Variants in TTLL1 observed in about 807,000 individuals in gnomAD.
TTLL1 encodes polyglutamylase complex subunit TTLL1.
Under a neutral mutation model 47.8 loss-of-function variants are expected in TTLL1, and 33 were observed. The observed-to-expected ratio is 0.69, with a 90% CI of 0.52 to 0.92. The LOEUF is 0.92. Ranked by LOEUF, TTLL1 falls within the 40% of genes least tolerant of loss-of-function variation. The pLI is 0.00. For missense variants in TTLL1, 488 were observed against 547.5 expected (o/e 0.89, Z 1.08); for synonymous variants, 225 against 214.1 (o/e 1.05, Z -0.45).
chr22:43,060,233 G>A (rs141802878), intron 7 of TTLL1, among the ~76,000 whole-genome samples: 257 of 152,298 alleles, frequency 1.7e-3, no homozygotes, highest in African/African-American at 5.7e-3. Flanking sequence ...CAAGACCAAG[G>A]CACTCATTCT....
intron 7 of TTLL1, among the ~76,000 whole-genome samples, chr22:43,063,010 A>G (rs1247752450): frequency 1.3e-5 from 2 of 152,188 alleles, no homozygotes; most frequent in African/African-American, 4.8e-5. Context: ...ACTCAAAGTA[A>G]AAAACCAAAC....
intron 7 of TTLL1, among the ~76,000 whole-genome samples, 159 bp from the exon 8 acceptor site, chr22:43,059,686 C>T (rs768507227): frequency 6.6e-5 from 10 of 152,040 alleles, no homozygotes; most frequent in Middle Eastern, 3.2e-3. Flanking sequence ...AGATCTGGGC[C>T]GGCTATTTTC....
chr22:43,083,625 G>A (rs550865409), intron 1 of TTLL1, among the ~76,000 whole-genome samples: 1 of 152,230 alleles, frequency 6.6e-6, no homozygotes, highest in Non-Finnish European at 1.5e-5. Flanking sequence ...CTACTCGGGA[G>A]GCTGAGGCAT....
chr22:43,088,047 C>T (rs2146999478), intron 1 of TTLL1, among the ~76,000 whole-genome samples: 1 of 151,444 alleles, frequency 6.6e-6, no homozygotes, highest in South Asian at 2.1e-4. Flanking sequence ...ACATGGGAGG[C>T]TGAGGCAGGA....
intron 2 of TTLL1, among the ~76,000 whole-genome samples, chr22:43,077,817 A>G (rs1928607336): frequency 6.6e-6 from 1 of 152,032 alleles, no homozygotes; most frequent in Non-Finnish European, 1.5e-5. Context: ...TACTTAAGAC[A>G]ATCTTCTGGC....
At chr22:43,067,214 G>A (rs1046454253) in intron 5 of TTLL1, among the ~76,000 whole-genome samples, 3 of 152,174 alleles carry the variant, frequency 2.0e-5, no homozygotes, top group Admixed American at 1.3e-4. Flanking sequence ...CCACTTGCTC[G>A]GCTGTGCCCA....
At chr22:43,054,412 C>T (rs952683558) in intron 8 of TTLL1, among the ~76,000 whole-genome samples, 1 of 151,806 alleles carries the variant, frequency 6.6e-6, no homozygotes, top group East Asian at 1.9e-4. Context: ...GGCACCAACC[C>T]GACATAATCT....
At chr22:43,051,224 G>A (rs995270661) in intron 9 of TTLL1, among the ~76,000 whole-genome samples, 3 of 152,260 alleles carry the variant, frequency 2.0e-5, no homozygotes, top group Non-Finnish European at 4.4e-5. Flanking sequence ...TGGGGCCTCT[G>A]AGAAGCGCGC....
intron 2 of TTLL1, among the ~76,000 whole-genome samples, chr22:43,077,428 T>C (rs5759142): frequency 0.34 from 51,602 of 152,058 alleles, 10,139 homozygotes; most frequent in East Asian, 0.65. Context: ...CAAGGTGCTG[T>C]ACCCCTCGGC....
chr22:43,045,327 A>G (rs530392311), intron 10 of TTLL1, among the ~76,000 whole-genome samples: 23 of 152,298 alleles, frequency 1.5e-4, no homozygotes, highest in African/African-American at 5.3e-4. Context: ...AAATGGAGCT[A>G]ATAGTCTTAC....
intron 9 of TTLL1, among the ~76,000 whole-genome samples, chr22:43,047,394 A>C (rs1926226119): frequency 1.3e-5 from 2 of 151,734 alleles, no homozygotes; most frequent in Admixed American, 6.6e-5. Context: ...AAGCTAAGCA[A>C]CGTCACAAGA....
intron 8 of TTLL1, among the ~76,000 whole-genome samples, chr22:43,057,042 T>G (rs1258308481): frequency 1.3e-5 from 2 of 152,022 alleles, no homozygotes; most frequent in East Asian, 3.9e-4. Context: ...GAGGCTGAGG[T>G]GGGTGGATCA....
chr22:43,068,427 C>A lies in TTLL1; in HGVS notation c.486G>T (p.Arg162=). Residue 162 remains arginine, a synonymous_variant, in exon 5 of 11, where the codon CGG becomes CGT. Transcript: ENST00000266254. ...NKLSQIKKWS[R]DSKTSSFVSQ... ...ACACTTACGAAGATGTCTTGCTGTCCCGGGACCACTTTTTGATCTGTGAGA... is the reference window on the plus strand; with the variant it reads ...ACACTTACGAAGATGTCTTGCTGTCACGGGACCACTTTTTGATCTGTGAGA... The A allele has an allele frequency of 2.0e-6, 3 of 1,536,270 alleles. No individual in the cohort carries two copies. Among genetic ancestry groups the A allele is most frequent in the Non-Finnish European group, 2.7e-6 (3 of 1,125,982 alleles).
Position 43,046,445 on chromosome 22 carries a change from C to T in TTLL1, c.1107G>A (p.Ser369=), listed in dbSNP as rs527949683. The change falls in exon 10 of 11, where the codon TCG becomes TCA. Residue 369 remains serine, a synonymous_variant. Transcript: ENST00000266254. The part of the protein sequence containing the change: ...GEIPDCKWNK[S]PPKEVLGNYE... ...AATTGCCGAGGACTTCCTTAGGTGGCGACTTGTTCCATTTGCAGTCTGGGA... is the reference window on the plus strand; with the variant it reads ...AATTGCCGAGGACTTCCTTAGGTGGTGACTTGTTCCATTTGCAGTCTGGGA... 42 of 1,613,938 alleles carry T rather than the reference C, an allele frequency of 2.6e-5. No individual in the cohort carries two copies. The highest frequency in any genetic ancestry group is 1.6e-4 in the Middle Eastern group (1 of 6,062).
At chr22:43,082,203 T>C (rs1224728117) in intron 1 of TTLL1, among the ~76,000 whole-genome samples, 1 of 151,498 alleles carries the variant, frequency 6.6e-6, no homozygotes, top group Non-Finnish European at 1.5e-5. Flanking sequence ...TTACGTCACA[T>C]TAATAATATC....
chr22:43,088,826 C>T (rs1006975045), intron 1 of TTLL1, among the ~76,000 whole-genome samples: 2 of 152,152 alleles, frequency 1.3e-5, no homozygotes, highest in African/African-American at 4.8e-5. Flanking sequence ...CCCCGCCCTG[C>T]CCTCTTAGCT....
intron 5 of TTLL1, among the ~76,000 whole-genome samples, chr22:43,067,610 G>A (rs1286157605): frequency 6.6e-6 from 1 of 152,214 alleles, no homozygotes; most frequent in Non-Finnish European, 1.5e-5. Flanking sequence ...GAACCCCACC[G>A]TGACGCCACG....
intron 10 of TTLL1, among the ~76,000 whole-genome samples, chr22:43,041,672 G>A (rs377469291): frequency 9.2e-4 from 140 of 151,542 alleles, no homozygotes; most frequent in Non-Finnish European, 1.7e-3. Flanking sequence ...ATGCCACCAC[G>A]CCCGGCTAAC....
intron 5 of TTLL1, among the ~76,000 whole-genome samples, chr22:43,065,078 G>C (rs1436960800): frequency 6.6e-6 from 1 of 151,768 alleles, no homozygotes; most frequent in African/African-American, 2.4e-5. Context: ...CCGGGAGGCA[G>C]AGTTTGCAGT....
Sources: allele counts gnomAD v4.1 joint callset (sites outside exome capture counted in the v4.1 genomes callset), GRCh38; gene constraint gnomAD v4.1.1; transcripts MANE v1.5; gene names NCBI Gene and HGNC (gene_info 2026-07-23, HGNC 2026-07-21).